Variants in PARD3 observed in about 807,000 individuals in gnomAD.
PARD3 encodes par-3 family cell polarity regulator, also known as partitioning defective 3 homolog.
In PARD3, 75 loss-of-function variants were observed where a neutral mutation model predicts 155.4. The observed-to-expected ratio is 0.48, with a 90% CI of 0.40 to 0.58. PARD3 has a LOEUF of 0.58. Among genes scored for constraint, PARD3 ranks in the 20% least tolerant of loss-of-function variants. PARD3 has a pLI of 0.00. For missense variants in PARD3, 1,642 were observed against 1,721.7 expected, an observed-to-expected ratio of 0.95 and a Z score of 0.82; for synonymous variants, 576 against 610.5, an observed-to-expected ratio of 0.94 and a Z score of 0.83.
intron 4 of PARD3, among the ~76,000 whole-genome samples, chr10:34,452,692 C>T (rs1355656526): frequency 6.6e-6 from 1 of 152,098 alleles, no homozygotes; most frequent in Non-Finnish European, 1.5e-5. Context: ...TCAAAAAGTG[C>T]ACAATTTCAC....
intron 19 of PARD3, among the ~76,000 whole-genome samples, chr10:34,318,695 A>T (rs1050845828): frequency 1.3e-5 from 2 of 152,208 alleles, no homozygotes; most frequent in Non-Finnish European, 2.9e-5. Context: ...CGCCCAAGTA[A>T]CACAGTTGTG....
At chr10:34,757,507 G>A (rs181708870) in intron 1 of PARD3, among the ~76,000 whole-genome samples, 3 of 152,112 alleles carry the variant, frequency 2.0e-5, no homozygotes, top group Admixed American at 1.3e-4. Context: ...GAGTTCGAGA[G>A]CAACCTGGCC....
At chr10:34,587,779 T>C (rs377013320) in intron 2 of PARD3, among the ~76,000 whole-genome samples, 2 of 152,138 alleles carry the variant, frequency 1.3e-5, no homozygotes, top group African/African-American at 4.8e-5. Context: ...GTTAGAAGTA[T>C]AAGGATTTCA....
At chr10:34,632,136 G>A (rs1564439602) in intron 2 of PARD3, among the ~76,000 whole-genome samples, 2 of 152,230 alleles carry the variant, frequency 1.3e-5, no homozygotes, top group South Asian at 2.1e-4. Context: ...GCAGGCACCT[G>A]TAATCCCAGC....
chr10:34,692,767 G>A (rs551854900), intron 2 of PARD3, among the ~76,000 whole-genome samples: 6 of 151,958 alleles, frequency 3.9e-5, no homozygotes, highest in East Asian at 1.9e-4. Context: ...CCAGCTACTC[G>A]GGAGGCTGAG....
intron 22 of PARD3, among the ~76,000 whole-genome samples, chr10:34,143,596 T>G (rs1469792295): frequency 2.0e-5 from 3 of 152,184 alleles, no homozygotes; most frequent in Non-Finnish European, 2.9e-5. Context: ...TATGTTTTTT[T>G]AAAAGAAAAA....
chr10:34,426,004 G>T (rs2075583438), intron 5 of PARD3, among the ~76,000 whole-genome samples: 1 of 152,056 alleles, frequency 6.6e-6, no homozygotes, highest in Non-Finnish European at 1.5e-5. Context: ...GGACAGAGTT[G>T]AATTTTTTTT....
chr10:34,372,546 T>C lies in PARD3; in HGVS notation c.1669-10A>G. 2 of 1,601,236 alleles carry C rather than the reference T, an allele frequency of 1.2e-6. No homozygotes were observed. The highest frequency in any genetic ancestry group is 1.7e-6 in the Non-Finnish European group (2 of 1,168,618). ...GGCTTGGCTCTGCATTCTAGAAGAA[T>C]TGAAGAAAAACATAAATACAGACTG... On this transcript the variant is annotated splice_polypyrimidine_tract_variant and intron_variant, in intron 11 of 24. Coordinates refer to ENST00000374788, the MANE Select transcript of PARD3 (RefSeq NM_001184785.2).
At chr10:34,144,154 C>T (rs754070392) in intron 22 of PARD3, among the ~76,000 whole-genome samples, 5 of 152,038 alleles carry the variant, frequency 3.3e-5, no homozygotes, top group Non-Finnish European at 7.4e-5. Flanking sequence ...TTTGGAGTTA[C>T]TGATAGATTG....
chr10:34,516,557 C>T (rs1186952521), intron 3 of PARD3, among the ~76,000 whole-genome samples: 1 of 152,128 alleles, frequency 6.6e-6, no homozygotes, highest in Non-Finnish European at 1.5e-5. Flanking sequence ...ACACGGCGGT[C>T]TCTTCTTCCC....
At chr10:34,442,599 T>G (rs996185444) in intron 5 of PARD3, among the ~76,000 whole-genome samples, 1 of 152,218 alleles carries the variant, frequency 6.6e-6, no homozygotes, top group African/African-American at 2.4e-5. Context: ...ACAGGCATCA[T>G]GGCTCACACC....
At chr10:34,409,619 C>T (rs769504547) in intron 5 of PARD3, among the ~76,000 whole-genome samples, 6 of 152,174 alleles carry the variant, frequency 3.9e-5, no homozygotes, top group Non-Finnish European at 7.3e-5. Context: ...TTGTTTTGCA[C>T]GAAGGGCGTC....
intron 5 of PARD3, chr10:34,426,814 C>G (rs191561666): frequency 2.0e-4 from 30 of 152,274 alleles, no homozygotes; most frequent in Admixed American, 1.4e-3. Flanking sequence ...GTCAGGGACC[C>G]CAAACGGAGG....
At chr10:34,621,987 T>C (rs2091707462) in intron 2 of PARD3, among the ~76,000 whole-genome samples, 1 of 152,226 alleles carries the variant, frequency 6.6e-6, no homozygotes, top group Non-Finnish European at 1.5e-5. Context: ...ATTTATTTAA[T>C]CATTATTTAG....
rs142708267 is a variant in PARD3, at chr10:34,690,780, G to A, written c.222+5538C>T. On this transcript the variant is annotated intron_variant, in intron 2 of 24. Coordinates refer to ENST00000374788, the MANE Select transcript of PARD3 (RefSeq NM_001184785.2). ...TGTAAAAGTAAAAAGGAAACGTGGT[G>A]GAGAAACAGGCGTGCTCATCTCAGC... 3.3e-3 allele frequency among the ~76,000 whole-genome samples: 501 copies of A among 152,296 alleles called. 3 individuals carry two copies. The highest frequency in any genetic ancestry group is 0.011 in the African/African-American group (471 of 41,560).
At chr10:34,199,028 C>T (rs145259640) in intron 22 of PARD3, among the ~76,000 whole-genome samples, 247 of 152,206 alleles carry the variant, frequency 1.6e-3, no homozygotes, top group Non-Finnish European at 2.6e-3. Context: ...CAACCATGGG[C>T]AGAACCTAAG....
chr10:34,239,471 C>T (rs1953440653), intron 22 of PARD3, among the ~76,000 whole-genome samples: 1 of 152,138 alleles, frequency 6.6e-6, no homozygotes, highest in East Asian at 1.9e-4. Flanking sequence ...TCCTGGTTCC[C>T]CTAAGATCTT....
intron 22 of PARD3, among the ~76,000 whole-genome samples, chr10:34,174,250 G>A (rs2066993063): frequency 6.6e-6 from 1 of 152,182 alleles, no homozygotes; most frequent in African/African-American, 2.4e-5. Flanking sequence ...CATCCGGTGA[G>A]AATTAACAAC....
chr10:34,489,383 A>G (rs1016620275), intron 3 of PARD3, among the ~76,000 whole-genome samples: 4 of 152,306 alleles, frequency 2.6e-5, no homozygotes, highest in African/African-American at 9.6e-5. Context: ...AAAATGAAGT[A>G]AAGGATCGGA....
Sources: allele counts gnomAD v4.1 joint callset (sites outside exome capture counted in the v4.1 genomes callset), GRCh38; gene constraint gnomAD v4.1.1; transcripts MANE v1.5; gene names NCBI Gene and HGNC (gene_info 2026-07-23, HGNC 2026-07-21).